The following LSM8 variants were observed in gnomAD, a reference collection of about 807,000 sequenced individuals.
The protein encoded by LSM8 is LSM8 homolog, U6 small nuclear RNA associated, also known as LSM8 U6 small nuclear RNA associated.
Under a neutral mutation model 15.0 loss-of-function variants are expected in LSM8, and 14 were observed. That is an observed-to-expected ratio of 0.93 (90% CI 0.62 to 1.46). The LOEUF (loss-of-function observed/expected upper bound fraction) is 1.46. Ranked by LOEUF, LSM8 falls within the 40% of genes most tolerant of loss-of-function variation. LSM8 has a pLI of 0.00. For missense variants in LSM8, 90 were observed against 115.4 expected, an observed-to-expected ratio of 0.78 and a Z score of 1.01; for synonymous variants, 50 against 42.1, an observed-to-expected ratio of 1.19 and a Z score of -0.73.
intron 1 of LSM8, chr7:118,184,465 C>T (rs1242269165): frequency 2.1e-6 from 1 of 487,272 alleles, no homozygotes; most frequent in Non-Finnish European, 3.5e-6. Context: ...GCCTGCAAAA[C>T]CCAAATAAAA....
chr7:118,199,361 A>C lies in LSM8; in HGVS notation c.*7359A>C, dbSNP rs60035828. ...CAGCAAGTTGATTTTAGGGGATTAA[A>C]AATCTAAGACGTTTAAGGGAACATG... On this transcript the variant is annotated 3_prime_UTR_variant, in exon 4 of 4. Coordinates refer to ENST00000249299, the MANE Select transcript of LSM8 (RefSeq NM_016200.5). 6.6e-6 allele frequency among the ~76,000 whole-genome samples: 1 copy of C among 151,042 alleles called. No individual in the cohort carries two copies. The highest frequency in any genetic ancestry group is 2.4e-5 in the African/African-American group (1 of 41,118).
chr7:118,196,951 T>C lies in LSM8; in HGVS notation c.*4949T>C, dbSNP rs778447333. The stretch of plus-strand genomic sequence containing the variant: ...ACCATGTTGGCCAGGATGGTCTTGA[T>C]CTCCTGACCTCGTGATCTGCCCACT... On this transcript the variant is annotated 3_prime_UTR_variant, in exon 4 of 4. Coordinates refer to ENST00000249299, the MANE Select transcript of LSM8 (RefSeq NM_016200.5). Among the ~76,000 whole-genome samples the C allele has an allele frequency of 5.3e-5, 8 of 151,668 alleles. No individual in the cohort carries two copies. The highest frequency in any genetic ancestry group is 1.2e-4 in the Non-Finnish European group (8 of 67,948).
rs1161671416 is a variant in LSM8 at position 118,193,915 on chromosome 7, C to T, written c.*1913C>T. 6.6e-6 allele frequency among the ~76,000 whole-genome samples: 1 copy of T among 152,010 alleles called. No homozygotes were observed. Among genetic ancestry groups the T allele is most frequent in the African/African-American group, 2.4e-5 (1 of 41,410 alleles). On this transcript the variant is annotated 3_prime_UTR_variant, in exon 4 of 4. Coordinates refer to ENST00000249299, the MANE Select transcript of LSM8 (RefSeq NM_016200.5). ...TGATGTATTCTTGCAATCTGAAACA[C>T]CTTATAAAGCTGTATTTTCCTGATT... is the stretch of plus-strand genomic sequence containing the variant.
At chr7:118,191,748 TC>T in intron 3 of LSM8, 163 bp from the exon 4 acceptor site, 1 of 565,936 alleles carries the variant, frequency 1.8e-6, no homozygotes, top group South Asian at 2.3e-5. Context: ...GTTCACTGAC[TC>T]ACGCCAATGT....
chr7:118,187,130 T>C (rs939538249), intron 2 of LSM8, among the ~76,000 whole-genome samples: 1 of 152,234 alleles, frequency 6.6e-6, no homozygotes, highest in Non-Finnish European at 1.5e-5. Flanking sequence ...TGCTAACTAG[T>C]TCAATAAATA....
At chr7:118,188,580 A>C (rs1204095013) in intron 3 of LSM8, 175 bp downstream of exon 3, 12 of 522,802 alleles carry the variant, frequency 2.3e-5, no homozygotes, top group Non-Finnish European at 6.3e-6. Context: ...ATATGTATAC[A>C]TTTTATGTCA....
chr7:118,193,954 G>T lies in LSM8; in HGVS notation c.*1952G>T, dbSNP rs1809032331. Among the ~76,000 whole-genome samples the T allele has an allele frequency of 6.6e-6, 1 of 152,060 alleles. No homozygotes were observed. Among genetic ancestry groups the T allele is most frequent in the South Asian group, 2.1e-4 (1 of 4,832 alleles). ...ATTTTCCTGATTGATGTTGGAAAAA[G>T]CATTCCCAAAATGTGAATTATTGTT... On this transcript the variant is annotated 3_prime_UTR_variant, in exon 4 of 4. Coordinates refer to ENST00000249299, the MANE Select transcript of LSM8 (RefSeq NM_016200.5).
At chr7:118,184,360 C>A in intron 1 of LSM8, 106 bp downstream of exon 1, 3 of 1,306,886 alleles carry the variant, frequency 2.3e-6, no homozygotes, top group Non-Finnish European at 2.0e-6. Flanking sequence ...ATCCTGGGGG[C>A]GGGCGAGGAG....
chr7:118,184,207 C>G lies in LSM8; in HGVS notation c.-17C>G. On this transcript the variant is annotated 5_prime_UTR_variant, in exon 1 of 4. Transcript: ENST00000249299. ...GTCGGCACCGCTGCGTTACCCGGAA[C>G]CGCCGGGCCGAACAGCATGACGTCC... 3 of 1,542,714 alleles carry G rather than the reference C, an allele frequency of 1.9e-6. No individual in the cohort carries two copies. Among genetic ancestry groups the G allele is most frequent in the Non-Finnish European group, 2.6e-6 (3 of 1,142,810 alleles).
rs1482997153 is a variant in LSM8, at chr7:118,202,606, G to A, written c.*10604G>A. Among the ~76,000 whole-genome samples the A allele has an allele frequency of 6.6e-6, 1 of 151,860 alleles. No individual in the cohort carries two copies. The highest frequency in any genetic ancestry group is 2.4e-5 in the African/African-American group (1 of 41,364). ...CAAAATATACTGCTTGAATGCCATT[G>A]GCCAGATCTTTGTCATATGGTTACC... On this transcript the variant is annotated 3_prime_UTR_variant, in exon 4 of 4. Transcript: ENST00000249299.
chr7:118,185,243 C>G (rs6466648), intron 1 of LSM8: 95,312 of 152,362 alleles, frequency 0.63, 30,062 homozygotes, highest in South Asian at 0.77. Flanking sequence ...AAAACAGAAG[C>G]TTTTTTTAAG....
At position 118,197,946 on chromosome 7, in the gene LSM8, A is replaced by T. The variant is rs1236347493; in HGVS notation, c.*5944A>T. Among the ~76,000 whole-genome samples, 1 of 152,188 alleles carries T rather than the reference A, an allele frequency of 6.6e-6. No individual in the cohort carries two copies. Among genetic ancestry groups the T allele is most frequent in the East Asian group, 1.9e-4 (1 of 5,196 alleles). On this transcript the variant is annotated 3_prime_UTR_variant, in exon 4 of 4. Transcript: ENST00000249299. ...TTTGTCAATATTAATGATAGCTAAC[A>T]ATTATCCTGATATTGAATGATGGAC...
At chr7:118,187,781 AAATC>A (rs753750968) in intron 2 of LSM8, among the ~76,000 whole-genome samples, 2 of 152,206 alleles carry the variant, frequency 1.3e-5, no homozygotes, top group Admixed American at 6.5e-5. Context: ...TTATAGTACT[AAATC>A]AAAGGGTAGA....
At position 118,198,183 on chromosome 7, in the gene LSM8, C is replaced by T. The variant is rs952935034; in HGVS notation, c.*6181C>T. Among the ~76,000 whole-genome samples the T allele has an allele frequency of 2.0e-5, 3 of 151,834 alleles. No homozygotes were observed. Among genetic ancestry groups the T allele is most frequent in the African/African-American group, 4.8e-5 (2 of 41,322 alleles). On this transcript the variant is annotated 3_prime_UTR_variant, in exon 4 of 4. Transcript: ENST00000249299. The stretch of plus-strand genomic sequence containing the variant: ...TTTGATCAAATTTTTAAAAGTAACA[C>T]GAGGCAGAGAAAGTACAGAAAGGAG...
Position 118,197,588 on chromosome 7 carries a change from A to G in LSM8, c.*5586A>G, listed in dbSNP as rs920061048. ...GATCACAATGATAGTTAAAAGTTAA[A>G]TTTTTTATTTTAAAATTTAAATTTT... On this transcript the variant is annotated 3_prime_UTR_variant, in exon 4 of 4. Coordinates refer to ENST00000249299, the MANE Select transcript of LSM8 (RefSeq NM_016200.5). 3.3e-5 allele frequency among the ~76,000 whole-genome samples: 5 copies of G among 152,304 alleles called. No homozygotes were observed. Among genetic ancestry groups the G allele is most frequent in the Non-Finnish European group, 5.9e-5 (4 of 68,018 alleles).
At chr7:118,186,667 C>T (rs1310166899) in intron 2 of LSM8, among the ~76,000 whole-genome samples, 1 of 152,230 alleles carries the variant, frequency 6.6e-6, no homozygotes, top group East Asian at 1.9e-4. Context: ...GAAGGTGACT[C>T]ACTTTCTCAG....
chr7:118,200,283 A>G lies in LSM8; in HGVS notation c.*8281A>G, dbSNP rs1056610542. 2.6e-5 allele frequency among the ~76,000 whole-genome samples: 4 copies of G among 152,138 alleles called. No individual in the cohort carries two copies. The highest frequency in any genetic ancestry group is 4.8e-5 in the African/African-American group (2 of 41,442). On this transcript the variant is annotated 3_prime_UTR_variant, in exon 4 of 4. Coordinates refer to ENST00000249299, the MANE Select transcript of LSM8 (RefSeq NM_016200.5). ...TTTCAGAGTCATGAAACAAATCATAAGTAGCTGCTCTGGTGCTCTCTAGAG... is the reference window on the plus strand; with the variant it reads ...TTTCAGAGTCATGAAACAAATCATAGGTAGCTGCTCTGGTGCTCTCTAGAG...
At position 118,188,416 on chromosome 7, in the gene LSM8, T is replaced by C; in HGVS notation, c.200+11T>C. The C allele has an allele frequency of 6.2e-7, 1 of 1,604,374 alleles. No homozygotes were observed. The highest frequency in any genetic ancestry group is 8.5e-7 in the Non-Finnish European group (1 of 1,174,272). On this transcript the variant is annotated intron_variant, in intron 3 of 3. Transcript: ENST00000249299. ...AAGAGGTGACAACGTGTAAGTAAAA[T>C]ATATCTGTTAAAATTATAAATGATA... is the stretch of plus-strand genomic sequence containing the variant.
At chr7:118,191,729 A>C (rs1424747563) in intron 3 of LSM8, 183 bp from the exon 4 acceptor site, 1 of 526,744 alleles carries the variant, frequency 1.9e-6, no homozygotes, top group East Asian at 3.1e-5. Context: ...TTTGTGACTT[A>C]AATATGCAGT....
Sources: gnomAD v4.1 joint callset for allele counts (sites outside exome capture counted in the v4.1 genomes callset) on GRCh38, gnomAD v4.1.1 for gene constraint, MANE v1.5 for transcripts, NCBI Gene and HGNC (gene_info 2026-07-23, HGNC 2026-07-21) for gene names.